The following CXADR variants were observed in gnomAD, a reference collection of about 807,000 sequenced individuals.
CXADR encodes coxsackievirus and adenovirus receptor.
In CXADR, 20 loss-of-function variants were observed where a neutral mutation model predicts 40.3. The observed-to-expected ratio is 0.50, with a 90% CI of 0.35 to 0.72. CXADR has a LOEUF of 0.72. Among genes scored for constraint, CXADR ranks in the 30% least tolerant of loss-of-function variants. The pLI is 0.01. For missense variants in CXADR, 332 were observed against 449.1 expected (o/e 0.74, Z 2.36); for synonymous variants, 150 against 161.3 (o/e 0.93, Z 0.53).
At chr21:17,582,236 T>C (rs528044904) in intron 7 of CXADR, among the ~76,000 whole-genome samples, 32 of 152,324 alleles carry the variant, frequency 2.1e-4, no homozygotes, top group African/African-American at 7.7e-4. Flanking sequence ...GGTCTCGAAC[T>C]GCTAACCGCA....
intron 6 of CXADR, among the ~76,000 whole-genome samples, chr21:17,564,001 C>T (rs2061165518): frequency 7.2e-6 from 1 of 139,390 alleles, no homozygotes; most frequent in Admixed American, 7.2e-5. Context: ...TACCACAAAC[C>T]TTCAATTTGT....
chr21:17,580,367 C>G, intron 7 of CXADR, among the ~76,000 whole-genome samples: 1 of 152,146 alleles, frequency 6.6e-6, no homozygotes, highest in East Asian at 1.9e-4. Flanking sequence ...ACCTATAATC[C>G]CGGCACTTTG....
At chr21:17,599,343 G>A in the CXADR span, among the ~76,000 whole-genome samples, 3 of 151,994 alleles carry the variant, frequency 2.0e-5, no homozygotes, top group Non-Finnish European at 1.5e-5. Context: ...ACCATGCTCA[G>A]CTAATTTATA....
intron 7 of CXADR, among the ~76,000 whole-genome samples, chr21:17,586,676 T>C (rs1348796665): frequency 6.6e-6 from 1 of 151,978 alleles, no homozygotes; most frequent in Admixed American, 6.6e-5. Flanking sequence ...AAGTAGGGGG[T>C]TAATTTTTAA....
chr21:17,513,915 G>A (rs2060425304), intron 1 of CXADR, among the ~76,000 whole-genome samples: 1 of 152,214 alleles, frequency 6.6e-6, no homozygotes, highest in South Asian at 2.1e-4. Context: ...TCATTTTGGA[G>A]ATAAGACGGG....
At chr21:17,590,799 G>A (rs1246287444) in intron 7 of CXADR, among the ~76,000 whole-genome samples, 1 of 152,024 alleles carries the variant, frequency 6.6e-6, no homozygotes, top group Non-Finnish European at 1.5e-5. Flanking sequence ...CTCATTATGT[G>A]TGATCTTTCC....
intron 1 of CXADR, chr21:17,530,438 T>C: frequency 2.2e-6 from 1 of 456,368 alleles, no homozygotes; most frequent in Non-Finnish European, 4.4e-6. Flanking sequence ...CTGTGTGATA[T>C]TCTATTATGT....
At chr21:17,517,872 T>G (rs1041261327) in intron 1 of CXADR, among the ~76,000 whole-genome samples, 115 of 152,140 alleles carry the variant, frequency 7.6e-4, no homozygotes, top group Non-Finnish European at 2.1e-4. Flanking sequence ...AGCAAGCTAG[T>G]AAAAGAAGTT....
intron 2 of CXADR, among the ~76,000 whole-genome samples, chr21:17,549,570 A>G (rs906006093): frequency 6.6e-6 from 1 of 152,244 alleles, no homozygotes; most frequent in Admixed American, 6.5e-5. Context: ...AATGTGGACA[A>G]TGCCATCGTC....
At chr21:17,576,269 AGCTTGGGAGATAGCCAGCTCTGGT>A (rs559407679) in intron 7 of CXADR, among the ~76,000 whole-genome samples, 193 of 152,228 alleles carry the variant, frequency 1.3e-3, no homozygotes, top group African/African-American at 4.5e-3. Context: ...CCATAAAAGG[AGCTTGGGAGATAGCCAGCTCTGGT>A]TCCATCTCTG....
chr21:17,530,245 G>T (rs1306306447), intron 1 of CXADR, among the ~76,000 whole-genome samples: 1 of 151,004 alleles, frequency 6.6e-6, no homozygotes, highest in Non-Finnish European at 1.5e-5. Flanking sequence ...GATTACAGGC[G>T]TGAGCCACTG....
chr21:17,593,163 T>A, exon 8 of CXADR: 1 of 1,453,938 alleles, frequency 6.9e-7, no homozygotes, highest in Admixed American at 2.4e-5. Context: ...TCAAGTACCC[T>A]TACAAGACTG....
At chr21:17,558,902 T>C (rs2061070419) in intron 3 of CXADR, 74 bp from the exon 4 acceptor site, 1 of 1,438,378 alleles carries the variant, frequency 7.0e-7, no homozygotes, top group Non-Finnish European at 9.4e-7. Flanking sequence ...GAGTCAGTGG[T>C]TGTGTACAAT....
intron 7 of CXADR, among the ~76,000 whole-genome samples, chr21:17,587,317 GA>G: frequency 6.6e-6 from 1 of 152,082 alleles, no homozygotes; most frequent in South Asian, 2.1e-4. Flanking sequence ...TCGCCACACT[GA>G]CTTCCACAAT....
At chr21:17,542,112 T>C (rs2060837777) in intron 1 of CXADR, 2 of 278,624 alleles carry the variant, frequency 7.2e-6, no homozygotes, top group South Asian at 3.3e-5. Flanking sequence ...TGTTTTTCTG[T>C]TCTACTTTTC....
At chr21:17,613,613 G>C in the CXADR span, 6 of 152,232 alleles carry the variant, frequency 3.9e-5, no homozygotes, top group Non-Finnish European at 2.9e-5. Flanking sequence ...GTTGGCCAAA[G>C]GAATGAAGCC....
At chr21:17,604,717 A>C in the CXADR span, 2 of 1,057,822 alleles carry the variant, frequency 1.9e-6, no homozygotes, top group Non-Finnish European at 2.6e-6. Context: ...CCTCCAGAAA[A>C]GTATTTCATA....
chr21:17,564,157 A>T (rs2061168748), intron 6 of CXADR, among the ~76,000 whole-genome samples: 1 of 151,344 alleles, frequency 6.6e-6, no homozygotes, highest in East Asian at 2.0e-4. Context: ...TCCATGGAGG[A>T]CCTCCTGCAG....
At chr21:17,538,470 C>T (rs76533360) in intron 1 of CXADR, among the ~76,000 whole-genome samples, 193 of 152,086 alleles carry the variant, frequency 1.3e-3, no homozygotes, top group Non-Finnish European at 2.4e-3. Context: ...CAATGAGGAG[C>T]GACCAGAGAT....
Sources: allele counts gnomAD v4.1 joint callset (sites outside exome capture counted in the v4.1 genomes callset), GRCh38; gene constraint gnomAD v4.1.1; transcripts MANE v1.5; gene names NCBI Gene and HGNC (gene_info 2026-07-23, HGNC 2026-07-21).